The following CPAMD8 variants were observed in gnomAD, a reference collection of about 807,000 sequenced individuals.
The protein encoded by CPAMD8 is C3 and PZP-like alpha-2-macroglobulin domain-containing protein 8.
A neutral mutation model predicts 224.7 loss-of-function variants in CPAMD8; 146 were observed. The observed-to-expected ratio is 0.65, with a 90% CI of 0.57 to 0.75. CPAMD8 has a LOEUF of 0.75. Ranked by LOEUF, CPAMD8 falls within the 30% of genes least tolerant of loss-of-function variation. CPAMD8 has a pLI of 0.00. For synonymous variants in CPAMD8, 966 were observed against 1,044.6 expected (o/e 0.92, Z 1.45); for missense variants, 2,301 against 2,537.5 (o/e 0.91, Z 2.00).
intron 3 of CPAMD8, among the ~76,000 whole-genome samples, chr19:17,015,196 G>A (rs1418632490): frequency 6.6e-6 from 1 of 152,066 alleles, no homozygotes; most frequent in Admixed American, 6.6e-5. Flanking sequence ...GAGCTGAGAT[G>A]GTACAGCTGC....
In CPAMD8 at chr19:16,958,794, C is replaced by CT. The variant is rs894430046; in HGVS notation, c.2214-880dup. Reference sequence around the variant, plus strand: ...CTCACCAACATCTGTTATTTTTTTACTTTTTTTTTCTTTTTTTTTTTTGAG... The same window carrying CT: ...CTCACCAACATCTGTTATTTTTTTACTTTTTTTTTTCTTTTTTTTTTTTGAG... On this transcript the variant is annotated intron_variant, in intron 18 of 41. Transcript: ENST00000443236. 5.6e-5 allele frequency among the ~76,000 whole-genome samples: 8 copies of CT among 142,278 alleles called. No homozygotes were observed. The East Asian group carries it at 1.6e-3, about 28-fold the overall frequency. The allele number at this position is 142,278 out of a possible 152,430, so 93.3% of individuals were successfully genotyped here.
intron 18 of CPAMD8, among the ~76,000 whole-genome samples, chr19:16,959,869 C>T (rs8101425): frequency 0.29 from 44,328 of 152,006 alleles, 7,410 homozygotes; most frequent in African/African-American, 0.45. Context: ...AAAGTGTCTG[C>T]TCAAGGATGT....
intron 41 of CPAMD8, chr19:16,895,746 G>A (rs758435051): frequency 5.7e-5 from 21 of 366,348 alleles, no homozygotes; most frequent in Non-Finnish European, 1.1e-4. Flanking sequence ...TGCTCATTGG[G>A]GCATTTCAGA....
At chr19:16,904,198 C>T in intron 32 of CPAMD8, 28 bp downstream of exon 32, 7 of 1,272,430 alleles carry the variant, frequency 5.5e-6, no homozygotes, top group Non-Finnish European at 7.8e-6. Flanking sequence ...CAGCCCTGAG[C>T]CCCTCCCTCT....
intron 23 of CPAMD8, among the ~76,000 whole-genome samples, chr19:16,931,574 C>G (rs1258048589): frequency 2.0e-5 from 3 of 152,198 alleles, no homozygotes; most frequent in African/African-American, 7.2e-5. Context: ...TATCCATGTT[C>G]CTGGTCCACC....
chr19:17,001,975 A>G (rs12972501), intron 9 of CPAMD8, among the ~76,000 whole-genome samples: 44,347 of 148,358 alleles, frequency 0.3, 8,449 homozygotes, highest in African/African-American at 0.57. Context: ...TAGAGGGAGG[A>G]GGACACCCCA....
chr19:17,010,445 G>A (rs754875911), intron 5 of CPAMD8, among the ~76,000 whole-genome samples: 21 of 151,944 alleles, frequency 1.4e-4, no homozygotes, highest in Non-Finnish European at 2.8e-4. Flanking sequence ...TCGCTATGTT[G>A]CCCAGAATGG....
At chr19:16,948,870 A>AAGGGAG (rs2054198589) in intron 20 of CPAMD8, among the ~76,000 whole-genome samples, 1 of 8,606 alleles carries the variant, frequency 1.2e-4, no homozygotes, top group Non-Finnish European at 2.0e-4. Flanking sequence ...GGGAAAGGAA[A>AAGGGAG]GGGAAGGGAA....
In CPAMD8 at chr19:16,903,289, C is replaced by T. The variant is rs180681760; in HGVS notation, c.4470+272G>A. Among the ~76,000 whole-genome samples the T allele has an allele frequency of 1.1e-4, 17 of 152,042 alleles. No homozygotes were observed. In the East Asian group the frequency reaches 2.5e-3, roughly 23 times the overall value. On this transcript the variant is annotated intron_variant, in intron 34 of 41. Transcript: ENST00000443236. ...CAGGCCACAGCAGGGGGAATGACCT[C>T]GAGCCCTTAGGCAAATCTGCTTGAG...
chr19:16,914,381 C>T (rs1248107221), intron 29 of CPAMD8, 43 bp downstream of exon 29: 1 of 1,549,826 alleles, frequency 6.5e-7, no homozygotes, highest in Non-Finnish European at 8.9e-7. Context: ...TTTGCTCCTC[C>T]AGTGCCCAGC....
intron 23 of CPAMD8, among the ~76,000 whole-genome samples, chr19:16,936,856 T>C (rs930082752): frequency 1.3e-5 from 2 of 152,220 alleles, no homozygotes; most frequent in Non-Finnish European, 2.9e-5. Context: ...GGGTTTATTG[T>C]GGAGAAAAAA....
intron 8 of CPAMD8, 29 bp from the exon 9 acceptor site, chr19:17,002,379 T>G (rs367717755): frequency 1.0e-5 from 16 of 1,537,136 alleles, no homozygotes; most frequent in Non-Finnish European, 1.4e-5. Flanking sequence ...GAGGAGGGGC[T>G]GGCTTCTGTC....
chr19:16,945,576 A>G lies in CPAMD8; in HGVS notation c.2766T>C (p.Asp922=), dbSNP rs772687703. 6.2e-7 allele frequency: 1 copy of G among 1,614,122 alleles called. No individual in the cohort carries two copies. Among genetic ancestry groups the G allele is most frequent in the Non-Finnish European group, 8.5e-7 (1 of 1,179,990 alleles). ...CAACCATCACACTGCGCCTGACGTG[A>G]TCCACCCCGATGGGGACCCTCCTGT... ...HADRRVPIGV[D]HVRRSVMVEA... Residue 922 remains aspartate, a synonymous_variant, in exon 22 of 42, where the codon GAT becomes GAC. Transcript: ENST00000443236.
chr19:16,976,831 C>T (rs914436943), intron 15 of CPAMD8, among the ~76,000 whole-genome samples: 1 of 151,966 alleles, frequency 6.6e-6, no homozygotes, highest in Non-Finnish European at 1.5e-5. Flanking sequence ...CACTTGAGGC[C>T]AGGAGTTCAA....
chr19:16,961,433 G>C (rs555806862), intron 18 of CPAMD8, among the ~76,000 whole-genome samples: 1 of 152,256 alleles, frequency 6.6e-6, no homozygotes, highest in Non-Finnish European at 1.5e-5. Flanking sequence ...GTCTGAGATC[G>C]AACTGCGACG....
At chr19:16,930,620 G>A (rs570941234) in intron 23 of CPAMD8, among the ~76,000 whole-genome samples, 1 of 152,090 alleles carries the variant, frequency 6.6e-6, no homozygotes, top group Non-Finnish European at 1.5e-5. Flanking sequence ...GTGAACCCCC[G>A]TGGTCCCCAT....
Position 16,896,253 on chromosome 19 carries a change from C to T in CPAMD8, c.5349G>A (p.Gln1783=), listed in dbSNP as rs201195391. The T allele has an allele frequency of 2.1e-3, 3,440 of 1,613,650 alleles. 6 individuals carry two copies. The highest frequency in any genetic ancestry group is 2.5e-3 in the Non-Finnish European group (2,909 of 1,180,006). Residue 1783 remains glutamine, a synonymous_variant, in exon 41 of 42, where the codon CAG becomes CAA. Coordinates refer to ENST00000443236, the MANE Select transcript of CPAMD8 (RefSeq NM_015692.5). ...CGGCTCCATTCAGCTTCACGTCCTGCTGTAAAGGCCCCGGGGCCACAGAAG... is the reference window on the plus strand; with the variant it reads ...CGGCTCCATTCAGCTTCACGTCCTGTTGTAAAGGCCCCGGGGCCACAGAAG... ...DLASVAPGPL[Q]QDVKLNGAGL...
chr19:16,944,765 A>G (rs931818150), intron 22 of CPAMD8, among the ~76,000 whole-genome samples: 1 of 152,082 alleles, frequency 6.6e-6, no homozygotes, highest in Non-Finnish European at 1.5e-5. Flanking sequence ...CAGTGGGCAC[A>G]TGACTCCTGG....
At chr19:16,895,638 TA>T (rs1252002702) in intron 41 of CPAMD8, 1 of 346,328 alleles carries the variant, frequency 2.9e-6, no homozygotes, top group Non-Finnish European at 5.7e-6. Context: ...CGCACACTGT[TA>T]ACTACAGGCA....
Sources: gnomAD v4.1 joint callset for allele counts (sites outside exome capture counted in the v4.1 genomes callset) on GRCh38, gnomAD v4.1.1 for gene constraint, MANE v1.5 for transcripts, NCBI Gene and HGNC (gene_info 2026-07-23, HGNC 2026-07-21) for gene names.